The following AHRR variants were observed in gnomAD, a reference collection of about 807,000 sequenced individuals.
The protein encoded by AHRR is ahR repressor.
In AHRR, 28 loss-of-function variants were observed where a neutral mutation model predicts 44.0. The ratio of observed to expected loss-of-function variants is 0.64; its 90% CI spans 0.47 to 0.87. The LOEUF (loss-of-function observed/expected upper bound fraction) is 0.87, where lower values mean the gene tolerates loss of function less well. Among genes scored for constraint, AHRR ranks in the 40% least tolerant of loss-of-function variants. The pLI, the probability that AHRR is intolerant of heterozygous loss-of-function variation, is 0.00. For missense variants in AHRR, 990 were observed against 953.9 expected (o/e 1.04, Z -0.50); for synonymous variants, 434 against 407.0 (o/e 1.07, Z -0.80).
intron 2 of AHRR, among the ~76,000 whole-genome samples, chr5:345,223 GA>G (rs1742592333): frequency 1.0e-5 from 1 of 97,250 alleles, no homozygotes; most frequent in Non-Finnish European, 2.0e-5. Context: ...TGTGTCGGAT[GA>G]TGTCCCTGGC....
intron 5 of AHRR, among the ~76,000 whole-genome samples, chr5:417,975 C>T (rs1029497859): frequency 1.3e-5 from 2 of 152,158 alleles, no homozygotes; most frequent in African/African-American, 4.8e-5. Flanking sequence ...CGGCTTTAGG[C>T]GTATATTTTA....
At chr5:414,179 C>T (rs1000906622) in intron 5 of AHRR, among the ~76,000 whole-genome samples, 11 of 152,212 alleles carry the variant, frequency 7.2e-5, no homozygotes, top group East Asian at 1.9e-4. Context: ...AGGAGAATAG[C>T]GTGAACCTGG....
At chr5:433,639 C>T (rs1211467580) in intron 10 of AHRR, among the ~76,000 whole-genome samples, 1 of 152,214 alleles carries the variant, frequency 6.6e-6, no homozygotes, top group African/African-American at 2.4e-5. Context: ...GCCTTCCTCA[C>T]TCGCCCCAGG....
At chr5:394,048 T>A (rs1268968364) in intron 4 of AHRR, among the ~76,000 whole-genome samples, 1 of 152,250 alleles carries the variant, frequency 6.6e-6, no homozygotes, top group Non-Finnish European at 1.5e-5. Context: ...GCTGCACTGG[T>A]GGTGTCCCTC....
rs976777717 is a variant in AHRR at position 387,117 on chromosome 5, T to G, written c.351+10401T>G. ...CAGTCCTTGGGGCCTTGGGCACAGG[T>G]TCACGTCAGTGCAGCTCAAAGTGCT... is the stretch of plus-strand genomic sequence containing the variant. On this transcript the variant is annotated intron_variant, in intron 4 of 10. Coordinates refer to ENST00000684583, the MANE Select transcript of AHRR (RefSeq NM_001377236.1). The surrounding 1 kb of genome is among the most constrained non-coding windows in gnomAD (Gnocchi z 5.1). Among the ~76,000 whole-genome samples, 2 of 152,230 alleles carry G rather than the reference T, an allele frequency of 1.3e-5. No homozygotes were observed. Among genetic ancestry groups the G allele is most frequent in the African/African-American group, 4.8e-5 (2 of 41,456 alleles).
intron 4 of AHRR, among the ~76,000 whole-genome samples, chr5:402,564 G>A (rs567316800): frequency 6.6e-6 from 1 of 152,306 alleles, no homozygotes; most frequent in East Asian, 1.9e-4. Context: ...GTGCACTGTT[G>A]GCGGGAAGGT....
chr5:368,718 C>A (rs1165321796), intron 3 of AHRR, among the ~76,000 whole-genome samples: 1 of 152,240 alleles, frequency 6.6e-6, no homozygotes, highest in Non-Finnish European at 1.5e-5. Context: ...CAGAGCCCCC[C>A]TGAGGCCCCC....
At position 405,846 on chromosome 5, in the gene AHRR, T is replaced by C. The variant is rs1454541801; in HGVS notation, c.352-7498T>C. 6.6e-6 allele frequency among the ~76,000 whole-genome samples: 1 copy of C among 152,238 alleles called. No individual in the cohort carries two copies. The highest frequency in any genetic ancestry group is 1.5e-5 in the Non-Finnish European group (1 of 68,036). On this transcript the variant is annotated intron_variant, in intron 4 of 10. Transcript: ENST00000684583. This position sits in a 1 kb window ranked among gnomAD's most constrained non-coding sequence, Gnocchi z 4.5. Reference sequence around the variant, plus strand: ...TGGATACTTTACTGATTGAAAAATATGGCTTTGCAGCCTAGCAAGGCTCTC... The same window carrying C: ...TGGATACTTTACTGATTGAAAAATACGGCTTTGCAGCCTAGCAAGGCTCTC...
chr5:395,009 C>A lies in AHRR; in HGVS notation c.351+18293C>A, dbSNP rs1402285627. 1.3e-5 allele frequency among the ~76,000 whole-genome samples: 2 copies of A among 152,216 alleles called. No homozygotes were observed. The highest frequency in any genetic ancestry group is 1.3e-4 in the Admixed American group (2 of 15,288). On this transcript the variant is annotated intron_variant, in intron 4 of 10. Coordinates refer to ENST00000684583, the MANE Select transcript of AHRR (RefSeq NM_001377236.1). This position sits in a 1 kb window ranked among gnomAD's most constrained non-coding sequence, Gnocchi z 5.3. The stretch of plus-strand genomic sequence containing the variant: ...GCCCCAGCCTCCTGCTGTCGCCCCC[C>A]AGGCAGGGCTGTCTCGAGGCATCTT...
chr5:409,656 G>T (rs371694679), intron 4 of AHRR, among the ~76,000 whole-genome samples: 1 of 147,742 alleles, frequency 6.8e-6, no homozygotes, highest in Admixed American at 6.8e-5. Flanking sequence ...GTTTAAAATT[G>T]TTTTTTTTTT....
chr5:371,843 C>T (rs908114), intron 3 of AHRR, among the ~76,000 whole-genome samples: 96,737 of 152,104 alleles, frequency 0.64, 31,230 homozygotes, highest in Non-Finnish European at 0.67. Context: ...CTCTCCCTTA[C>T]GCCCCTGTCT....
At position 326,582 on chromosome 5, in the gene AHRR, T is replaced by G. The variant is rs1275313283; in HGVS notation, c.-11+4763T>G. ...TTTCTGTTAGAACAAATGCTTTTAC[T>G]TCTGTTAGGTGTGTACCTAGGAGTG... On this transcript the variant is annotated intron_variant, in intron 1 of 10. Coordinates refer to ENST00000684583, the MANE Select transcript of AHRR (RefSeq NM_001377236.1). This position sits in a 1 kb window ranked among gnomAD's most constrained non-coding sequence, Gnocchi z 4.1. 6.6e-6 allele frequency among the ~76,000 whole-genome samples: 1 copy of G among 152,340 alleles called. No individual in the cohort carries two copies. The highest frequency in any genetic ancestry group is 2.1e-4 in the South Asian group (1 of 4,828).
intron 2 of AHRR, 54 bp from the exon 3 acceptor site, chr5:353,676 G>A: frequency 6.5e-7 from 1 of 1,539,538 alleles, no homozygotes; most frequent in Non-Finnish European, 8.7e-7. Context: ...CCGCCCCAGG[G>A]GGCCTGTGGC....
chr5:421,333 G>T (rs1025583207), intron 5 of AHRR: 24 of 693,262 alleles, frequency 3.5e-5, no homozygotes, highest in Non-Finnish European at 5.5e-5. Context: ...CGGGGCAGGG[G>T]GATGCCGGTG....
intron 4 of AHRR, among the ~76,000 whole-genome samples, chr5:401,707 C>T (rs1735020899): frequency 6.6e-6 from 1 of 152,220 alleles, no homozygotes; most frequent in Non-Finnish European, 1.5e-5. Context: ...ACCCTCGCCG[C>T]AGCTTCTGAG....
intron 4 of AHRR, among the ~76,000 whole-genome samples, chr5:410,040 C>G (rs777414495): frequency 6.6e-6 from 1 of 152,200 alleles, no homozygotes; most frequent in Non-Finnish European, 1.5e-5. Context: ...ACTGATTGAC[C>G]TAGTGCCTTG....
At chr5:324,025 C>CTCTTTCTT (rs1741611062) in intron 1 of AHRR, among the ~76,000 whole-genome samples, 1 of 134,590 alleles carries the variant, frequency 7.4e-6, no homozygotes, top group Admixed American at 7.1e-5. Context: ...CTTTCTTTCT[C>CTCTTTCTT]TCTCTCTCTC....
chr5:390,996 C>T (rs538237670), intron 4 of AHRR, among the ~76,000 whole-genome samples: 155 of 152,308 alleles, frequency 1.0e-3, no homozygotes, highest in Middle Eastern at 3.4e-3. Flanking sequence ...ATGGGAGCCC[C>T]TCCAGGAGGC....
chr5:353,620 G>C, intron 2 of AHRR, 110 bp from the exon 3 acceptor site: 2 of 998,496 alleles, frequency 2.0e-6, no homozygotes, highest in Non-Finnish European at 2.9e-6. Context: ...TTTTGTCCTG[G>C]CAGCAGCGTA....
Sources: allele counts gnomAD v4.1 joint callset (sites outside exome capture counted in the v4.1 genomes callset), GRCh38; gene constraint gnomAD v4.1.1; non-coding constraint Gnocchi (gnomAD v3.1); transcripts MANE v1.5; gene names NCBI Gene and HGNC (gene_info 2026-07-23, HGNC 2026-07-21).